Variants in ROCK2 observed in about 807,000 individuals in gnomAD.
ROCK2 encodes the protein rho-associated protein kinase 2.
ROCK2 carries 61 observed loss-of-function variants against 195.1 expected under a neutral mutation model. The observed-to-expected ratio is 0.31, with a 90% CI of 0.25 to 0.39. The LOEUF is 0.39. ROCK2 is among the 10% of genes least tolerant of loss of function. The probability of loss-of-function intolerance (pLI) is 1.00; values close to 1 mark genes in which losing one functional copy is unlikely to be tolerated. For synonymous variants in ROCK2, 504 were observed against 545.5 expected (o/e 0.92, Z 1.06); for missense variants, 1,109 against 1,637.4 (o/e 0.68, Z 5.57).
chr2:11,199,295 T>C (rs1663762622), intron 23 of ROCK2, among the ~76,000 whole-genome samples: 1 of 142,322 alleles, frequency 7.0e-6, no homozygotes, highest in Admixed American at 7.6e-5. Context: ...CAGTGTGGCT[T>C]TATGTGATTT....
intron 1 of ROCK2, among the ~76,000 whole-genome samples, chr2:11,291,781 AC>A (rs1220634678): frequency 1.3e-5 from 2 of 152,194 alleles, no homozygotes; most frequent in African/African-American, 4.8e-5. Flanking sequence ...AAGCTATAAA[AC>A]TGGGTAAGAT....
chr2:11,249,573 C>A lies in ROCK2; in HGVS notation c.462+88G>T, dbSNP rs1452066644. The A allele has an allele frequency of 2.9e-6, 3 of 1,037,676 alleles. No individual in the cohort carries two copies. In the Admixed American group the frequency reaches 9.1e-5, roughly 31 times the overall value. The allele number at this position is 1,037,676 out of a possible 1,614,324, so 64.3% of individuals were successfully genotyped here. A position where few individuals can be genotyped will look rare whatever the true frequency, so the allele number is the denominator to read the frequency against. On this transcript the variant is annotated intron_variant, in intron 4 of 32. Transcript: ENST00000315872. ...CTGCACTGTTACCATGTAAATGAAG[C>A]ATAAGACTTGGCACACAAAAATCAA...
chr2:11,194,937 T>C lies in ROCK2; in HGVS notation c.3519+18A>G. The C allele has an allele frequency of 6.8e-7, 1 of 1,465,988 alleles. No homozygotes were observed. The highest frequency in any genetic ancestry group is 9.3e-7 in the Non-Finnish European group (1 of 1,071,586). 90.8% of individuals were successfully genotyped at this position (1,465,988 alleles called of 1,614,324 possible). On this transcript the variant is annotated intron_variant, in intron 28 of 32. Transcript: ENST00000315872. ...CAAAAACAAAAACAAAAGGCTCATA[T>C]TCCAAAGTATCAATTACCTTTTTAA... is the stretch of plus-strand genomic sequence containing the variant.
At chr2:11,330,740 G>GGGAGGAGGAGGGAGGAGGAGGAGGGAGGA (rs148690962) in intron 1 of ROCK2, among the ~76,000 whole-genome samples, 1 of 43,260 alleles carries the variant, frequency 2.3e-5, no homozygotes, top group African/African-American at 7.2e-5. Context: ...AAGATGAGGA[G>GGGAGGAGGAGGGAGGAGGAGGAGGGAGGA]GGAGGAGGGA....
chr2:11,277,482 T>A (rs1666865263), intron 3 of ROCK2, among the ~76,000 whole-genome samples: 1 of 152,144 alleles, frequency 6.6e-6, no homozygotes, highest in African/African-American at 2.4e-5. Context: ...CTTGCACCCC[T>A]CCAATCATTC....
At position 11,208,290 on chromosome 2, in the gene ROCK2, C is replaced by T; in HGVS notation, c.2361G>A (p.Glu787=). Residue 787 remains glutamate, a synonymous_variant, in exon 19 of 33, where the codon GAG becomes GAA. Coordinates refer to ENST00000315872, the MANE Select transcript of ROCK2 (RefSeq NM_004850.5). ...CATTAGTACACTTAATACTTACATC[C>T]TCATTTAGCACATCTTTCTGTTTAA... ...ELLKQKDVLN[E]DVRNLTLKIE... 1 of 1,417,224 alleles carries T rather than the reference C, an allele frequency of 7.1e-7. No individual in the cohort carries two copies. Among genetic ancestry groups the T allele is most frequent in the Non-Finnish European group, 9.4e-7 (1 of 1,066,560 alleles). The allele number at this position is 1,417,224 out of a possible 1,614,324, so 87.8% of individuals were successfully genotyped here. A position where few individuals can be genotyped will look rare whatever the true frequency, so the allele number is the denominator to read the frequency against.
At chr2:11,294,458 T>C (rs1020848354) in intron 1 of ROCK2, among the ~76,000 whole-genome samples, 3 of 152,244 alleles carry the variant, frequency 2.0e-5, no homozygotes, top group South Asian at 2.1e-4. Flanking sequence ...GGTGGAATTA[T>C]ATGGTGTTAA....
At chr2:11,251,769 CA>C (rs2148130241) in intron 3 of ROCK2, among the ~76,000 whole-genome samples, 1 of 151,916 alleles carries the variant, frequency 6.6e-6, no homozygotes, top group Non-Finnish European at 1.5e-5. Flanking sequence ...ATCCAGCTGA[CA>C]AAGGGCTAAT....
chr2:11,191,740 G>T (rs1413334412), intron 32 of ROCK2, among the ~76,000 whole-genome samples: 1 of 152,150 alleles, frequency 6.6e-6, no homozygotes, highest in African/African-American at 2.4e-5. Flanking sequence ...TAAGCTAAAT[G>T]AAGTATAACA....
At chr2:11,331,389 T>C (rs1386635134) in intron 1 of ROCK2, among the ~76,000 whole-genome samples, 1 of 152,334 alleles carries the variant, frequency 6.6e-6, no homozygotes, top group East Asian at 1.9e-4. Flanking sequence ...AGTGCAATAG[T>C]ACTTAAAACA....
At chr2:11,211,467 T>G (rs1213175219) in intron 18 of ROCK2, among the ~76,000 whole-genome samples, 1 of 152,184 alleles carries the variant, frequency 6.6e-6, no homozygotes, top group Non-Finnish European at 1.5e-5. Flanking sequence ...TGTAATTTTG[T>G]GTTTGGGTCT....
intron 3 of ROCK2, among the ~76,000 whole-genome samples, chr2:11,256,717 CAA>C (rs1666048596): frequency 6.6e-6 from 1 of 151,058 alleles, no homozygotes; most frequent in Non-Finnish European, 1.5e-5. Flanking sequence ...GACTTCAAGG[CAA>C]AGAGTATTAT....
intron 1 of ROCK2, among the ~76,000 whole-genome samples, chr2:11,315,163 A>G (rs1269175330): frequency 6.6e-6 from 1 of 152,042 alleles, no homozygotes; most frequent in East Asian, 1.9e-4. Flanking sequence ...AAACTTAACA[A>G]ATAATTACCA....
chr2:11,250,155 A>T (rs1665781175), intron 3 of ROCK2, among the ~76,000 whole-genome samples: 1 of 152,216 alleles, frequency 6.6e-6, no homozygotes, highest in Non-Finnish European at 1.5e-5. Context: ...TACTGAAAAA[A>T]AACCATTTAT....
At chr2:11,252,320 A>G (rs1473718144) in intron 3 of ROCK2, among the ~76,000 whole-genome samples, 2 of 151,866 alleles carry the variant, frequency 1.3e-5, no homozygotes, top group African/African-American at 2.4e-5. Context: ...CTGAGGCAGG[A>G]GAATGGCTTG....
At chr2:11,247,415 T>C (rs1264809633) in intron 4 of ROCK2, among the ~76,000 whole-genome samples, 1 of 152,242 alleles carries the variant, frequency 6.6e-6, no homozygotes, top group East Asian at 1.9e-4. Context: ...TAATGGTGCA[T>C]GGAATGTTGT....
intron 3 of ROCK2, among the ~76,000 whole-genome samples, chr2:11,251,396 A>T (rs1372338436): frequency 6.6e-6 from 1 of 152,254 alleles, no homozygotes; most frequent in East Asian, 1.9e-4. Context: ...TACATATATT[A>T]TCTTACTTAA....
chr2:11,275,326 G>GTC lies in ROCK2; in HGVS notation c.324+11211_324+11212dup, dbSNP rs562916856. Among the ~76,000 whole-genome samples, 71 of 151,942 alleles carry GTC rather than the reference G, an allele frequency of 4.7e-4. 1 individual carries two copies. The East Asian group carries it at 0.012, about 25-fold the overall frequency. On this transcript the variant is annotated intron_variant, in intron 3 of 32. Transcript: ENST00000315872. ...CTTTAATAGAAGCTATATGAATATGGTCTCTCTCTCTCTTTCAAAATACCT... is the reference window on the plus strand; with the variant it reads ...CTTTAATAGAAGCTATATGAATATGGTCTCTCTCTCTCTCTTTCAAAATACCT...
intron 3 of ROCK2, among the ~76,000 whole-genome samples, chr2:11,286,097 A>C (rs1469753550): frequency 6.6e-6 from 1 of 150,554 alleles, no homozygotes; most frequent in East Asian, 2.0e-4. Context: ...AATAATATAA[A>C]GGTAATAGTT....
Sources: gnomAD v4.1 joint callset for allele counts (sites outside exome capture counted in the v4.1 genomes callset) on GRCh38, gnomAD v4.1.1 for gene constraint, MANE v1.5 for transcripts, NCBI Gene and HGNC (gene_info 2026-07-23, HGNC 2026-07-21) for gene names.